Variants in GID4 observed in about 807,000 individuals in gnomAD.
The protein encoded by GID4 is GID complex subunit 4 homolog.
A neutral mutation model predicts 32.4 loss-of-function variants in GID4; 7 were observed. The observed-to-expected ratio is 0.22, with a 90% CI of 0.12 to 0.41. The LOEUF is 0.41. GID4 is among the 10% of genes least tolerant of loss of function. GID4 has a pLI of 1.00. For missense variants in GID4, 309 were observed against 400.0 expected, an observed-to-expected ratio of 0.77 and a Z score of 1.94; for synonymous variants, 166 against 170.0, an observed-to-expected ratio of 0.98 and a Z score of 0.18.
chr17:18,054,307 C>A, intron 3 of GID4, 73 bp downstream of exon 3: 1 of 936,334 alleles, frequency 1.1e-6, no homozygotes, highest in South Asian at 1.6e-5. Flanking sequence ...GAGCCAGAGA[C>A]CTTGTCCCTT....
In GID4 at chr17:18,045,620, C is replaced by T. The variant is rs1322785541; in HGVS notation, c.498+414C>T. ...GAACAATGAAAAGTTACTGACTGGT[C>T]GCGGTGGCTCATGCCTGTAATCGCA... is the stretch of plus-strand genomic sequence containing the variant. On this transcript the variant is annotated intron_variant, in intron 2 of 5. Transcript: ENST00000268719. Among the ~76,000 whole-genome samples, 9 of 152,018 alleles carry T rather than the reference C, an allele frequency of 5.9e-5. No individual in the cohort carries two copies. In the South Asian group the frequency reaches 1.0e-3, roughly 18 times the overall value.
intron 3 of GID4, chr17:18,056,907 T>G: frequency 6.4e-7 from 1 of 1,550,634 alleles, no homozygotes. Context: ...TCACCACTCA[T>G]GGAGGACTCC....
At chr17:18,048,179 G>A (rs909879786) in intron 2 of GID4, among the ~76,000 whole-genome samples, 1 of 151,236 alleles carries the variant, frequency 6.6e-6, no homozygotes, top group Non-Finnish European at 1.5e-5. Context: ...GGGATTACAT[G>A]TGTGAGCCAC....
rs112268192 is a variant in GID4, at chr17:18,048,344, C to T, written c.498+3138C>T. 9.8e-3 allele frequency among the ~76,000 whole-genome samples: 1,481 copies of T among 150,998 alleles called. 21 individuals are homozygous for T. The highest frequency in any genetic ancestry group is 0.035 in the African/African-American group (1,424 of 41,162). ...CCGAGTAGCTGGGATTACAGGCGTG[C>T]GCCACCCTGCCCAACTAACTTTTAT... On this transcript the variant is annotated intron_variant, in intron 2 of 5. Transcript: ENST00000268719.
intron 3 of GID4, chr17:18,056,904 T>C: frequency 6.4e-7 from 1 of 1,550,614 alleles, no homozygotes. Flanking sequence ...CTTTCACCAC[T>C]CATGGAGGAC....
At chr17:18,044,360 G>A (rs1268000771) in intron 1 of GID4, among the ~76,000 whole-genome samples, 3 of 152,174 alleles carry the variant, frequency 2.0e-5, no homozygotes, top group African/African-American at 4.8e-5. Flanking sequence ...CCCTGCCAGC[G>A]TGAAAAAGGA....
At chr17:18,056,845 T>C (rs1012824484) in intron 3 of GID4, 1 of 1,550,428 alleles carries the variant, frequency 6.4e-7, no homozygotes, top group African/African-American at 1.4e-5. Context: ...GAGTGCTTCC[T>C]CCTCCAACAG....
At position 18,061,728 on chromosome 17, in the gene GID4, C is replaced by G; in HGVS notation, c.709-117C>G. ...CATCACCCAGCAAGTCTAGGTTAGA[C>G]TATGAGATCCTATATTTTTCTCGAG... On this transcript the variant is annotated intron_variant, in intron 4 of 5. Coordinates refer to ENST00000268719, the MANE Select transcript of GID4 (RefSeq NM_024052.5). This position sits in a 1 kb window ranked among gnomAD's most constrained non-coding sequence, Gnocchi z 4.4. 3.1e-6 allele frequency: 3 copies of G among 975,834 alleles called. No homozygotes were observed. The highest frequency in any genetic ancestry group is 4.7e-6 in the Non-Finnish European group (3 of 631,582). 60.4% of individuals were successfully genotyped at this position (975,834 alleles called of 1,614,324 possible). A position where few individuals can be genotyped will look rare whatever the true frequency, so the allele number is the denominator to read the frequency against.
intron 3 of GID4, among the ~76,000 whole-genome samples, chr17:18,055,921 C>G (rs567407336): frequency 3.7e-4 from 57 of 152,342 alleles, no homozygotes; most frequent in African/African-American, 1.4e-3. Context: ...TCACTGCAAC[C>G]TCTGCTCACT....
At chr17:18,057,071 T>C in intron 3 of GID4, 1 of 1,524,930 alleles carries the variant, frequency 6.6e-7, no homozygotes, top group Non-Finnish European at 8.8e-7. Flanking sequence ...CTGAGTGGTA[T>C]TTAAGTTGCT....
chr17:18,045,088 C>T, intron 1 of GID4, 59 bp from the exon 2 acceptor site: 1 of 1,378,434 alleles, frequency 7.3e-7, no homozygotes, highest in Non-Finnish European at 1.0e-6. Context: ...GAGTACCCTC[C>T]TGCATGTCCC....
rs2044890708 is a variant in GID4, at chr17:18,049,644, T to G, written c.498+4438T>G. On this transcript the variant is annotated intron_variant, in intron 2 of 5. Coordinates refer to ENST00000268719, the MANE Select transcript of GID4 (RefSeq NM_024052.5). ...TAGGCCCCATTGTCTGTTCTTCCCT[T>G]CTTTTTTTTTTTGAGATGAAGTCTC... Among the ~76,000 whole-genome samples, 3 of 151,954 alleles carry G rather than the reference T, an allele frequency of 2.0e-5. No individual in the cohort carries two copies. The South Asian group carries it at 6.2e-4, about 31-fold the overall frequency.
In GID4 at chr17:18,066,327, G is replaced by A. The variant is rs1347457032; in HGVS notation, c.*1084G>A. ...TTGCTACTCAAAACAGCAATGCTTG[G>A]CGGCAGCCTTCCATGAGGCAGAAGG... On this transcript the variant is annotated 3_prime_UTR_variant, in exon 6 of 6. Transcript: ENST00000268719. 1 of 152,528 alleles carries A rather than the reference G, an allele frequency of 6.6e-6. No homozygotes were observed. The highest frequency in any genetic ancestry group is 2.4e-5 in the African/African-American group (1 of 41,410). 9.4% of individuals were successfully genotyped at this position (152,528 alleles called of 1,614,324 possible). A position where few individuals can be genotyped will look rare whatever the true frequency, so the allele number is the denominator to read the frequency against.
rs779086722 is a variant in GID4 at position 18,054,144 on chromosome 17, A to G, written c.516A>G (p.Thr172=). The change falls in exon 3 of 6, where the codon ACA becomes ACG. Residue 172 remains threonine (T), a synonymous_variant. Coordinates refer to ENST00000268719, the MANE Select transcript of GID4 (RefSeq NM_024052.5). The part of the protein sequence containing the change: ...KGLTEEYPTL[T]TFFEGEIISK... The stretch of plus-strand genomic sequence containing the variant: ...TACCATAGGAGTATCCAACCCTTAC[A>G]ACCTTCTTCGAAGGAGAAATAATCA... The G allele has an allele frequency of 1.2e-6, 2 of 1,606,608 alleles. No homozygotes were observed. Among genetic ancestry groups the G allele is most frequent in the African/African-American group, 2.7e-5 (2 of 74,802 alleles).
chr17:18,063,073 CAAAA>C (rs1297978091), intron 5 of GID4, among the ~76,000 whole-genome samples: 2 of 95,882 alleles, frequency 2.1e-5, no homozygotes, highest in Non-Finnish European at 4.0e-5. Context: ...GACACCATCT[CAAAA>C]ATAAATAAAT....
In GID4 at chr17:18,039,959, G is replaced by C; in HGVS notation, c.438+57G>C. The C allele has an allele frequency of 7.7e-7, 1 of 1,292,342 alleles. No homozygotes were observed. The highest frequency in any genetic ancestry group is 9.8e-7 in the Non-Finnish European group (1 of 1,015,798). The allele number at this position is 1,292,342 out of a possible 1,614,324, so 80.1% of individuals were successfully genotyped here. On this transcript the variant is annotated intron_variant, in intron 1 of 5. Transcript: ENST00000268719. This position sits in a 1 kb window ranked among gnomAD's most constrained non-coding sequence, Gnocchi z 5.3. ...CCTCCTCGCGGCGCTCACGGGCCGTGCCCGCTTCGGCTCCTCGACCCCGCA... is the reference window on the plus strand; with the variant it reads ...CCTCCTCGCGGCGCTCACGGGCCGTCCCCGCTTCGGCTCCTCGACCCCGCA...
At chr17:18,056,990 A>G (rs2044974823) in intron 3 of GID4, 2 of 1,549,214 alleles carry the variant, frequency 1.3e-6, no homozygotes, top group Admixed American at 3.9e-5. Flanking sequence ...TGTCTAATAC[A>G]CTTCACCTAG....
rs147774246 is a variant in GID4 at position 18,063,932 on chromosome 17, G to A, written c.840-1248G>A. On this transcript the variant is annotated intron_variant, in intron 5 of 5. Transcript: ENST00000268719. ...TAAGTTTTGTATTTTTAGTAGAGAC[G>A]GGGTTTTGCCATGTTGGCCAGGCCT... Among the ~76,000 whole-genome samples, 1,183 of 152,234 alleles carry A rather than the reference G, an allele frequency of 7.8e-3. 13 individuals are homozygous for A. Among genetic ancestry groups the A allele is most frequent in the South Asian group, 0.037 (176 of 4,816 alleles).
chr17:18,039,568 G>T lies in GID4; in HGVS notation c.104G>T (p.Arg35Met). 1 of 1,302,756 alleles carries T rather than the reference G, an allele frequency of 7.7e-7. No homozygotes were observed. Among genetic ancestry groups the T allele is most frequent in the Non-Finnish European group, 9.7e-7 (1 of 1,029,826 alleles). The allele number at this position is 1,302,756 out of a possible 1,614,324, so 80.7% of individuals were successfully genotyped here. The change falls in exon 1 of 6, where the codon AGG becomes ATG. Residue 35 changes from arginine to methionine, a missense_variant. By Grantham distance (91) the Arg-to-Met change is moderately conservative. Around this residue, in one of 2 missense-constraint regions of GID4, gnomAD observed 193 missense variants for 185.8 expected, o/e 1.04. Coordinates refer to ENST00000268719, the MANE Select transcript of GID4 (RefSeq NM_024052.5). This position sits in a 1 kb window ranked among gnomAD's most constrained non-coding sequence, Gnocchi z 5.3. ...TGGCGGCCGGAGCGCTTGCTCCGCA[G>T]GCAGCGGGCGGGTGGTCGCCCCTCC... ...SRWRPERLLR[R>M]QRAGGRPSRP...
Sources: allele counts gnomAD v4.1 joint callset (sites outside exome capture counted in the v4.1 genomes callset), GRCh38; gene constraint gnomAD v4.1.1; regional missense constraint gnomAD v4.1.1; non-coding constraint Gnocchi (gnomAD v3.1); transcripts MANE v1.5; gene names NCBI Gene and HGNC (gene_info 2026-07-23, HGNC 2026-07-21).